Variants in COL23A1 observed in about 807,000 individuals in gnomAD.
COL23A1 encodes collagen alpha-1(XXIII) chain.
A neutral mutation model predicts 99.3 loss-of-function variants in COL23A1; 97 were observed. That is an observed-to-expected ratio of 0.98 (90% CI 0.83 to 1.16). The LOEUF (loss-of-function observed/expected upper bound fraction) is 1.16, where lower values mean the gene tolerates loss of function less well. Among genes scored for constraint, COL23A1 ranks in the 50% most tolerant of loss-of-function variants. The pLI, the probability that COL23A1 is intolerant of heterozygous loss-of-function variation, is 0.00. For synonymous variants in COL23A1, 320 were observed against 308.2 expected (o/e 1.04, Z -0.40); for missense variants, 762 against 757.4 (o/e 1.01, Z -0.07).
chr5:178,242,148 G>A lies in COL23A1; in HGVS notation c.1495-20C>T, dbSNP rs548597943. ...TTCTCCCTGTGCAGGAGGGGAGATG[G>A]TGGTATTGGTCATGGCTGCCAGGCT... is the stretch of plus-strand genomic sequence containing the variant. On this transcript the variant is annotated intron_variant, in intron 26 of 28. Transcript: ENST00000390654. The A allele has an allele frequency of 1.9e-6, 3 of 1,544,336 alleles. No individual in the cohort carries two copies. In the South Asian group the frequency reaches 3.6e-5, roughly 18 times the overall value.
chr5:178,358,964 T>A (rs1018676118), intron 2 of COL23A1, among the ~76,000 whole-genome samples: 1 of 152,176 alleles, frequency 6.6e-6, no homozygotes, highest in African/African-American at 2.4e-5. Flanking sequence ...TGGTGTAAAT[T>A]TTTGTTCAGA....
chr5:178,316,862 AC>A (rs1174733731), intron 2 of COL23A1, among the ~76,000 whole-genome samples: 1 of 151,990 alleles, frequency 6.6e-6, no homozygotes, highest in Non-Finnish European at 1.5e-5. Flanking sequence ...AAAAAAAAAA[AC>A]GTTGCTTGGC....
At chr5:178,269,669 C>A (rs926923679) in intron 6 of COL23A1, among the ~76,000 whole-genome samples, 4 of 141,658 alleles carry the variant, frequency 2.8e-5, no homozygotes, top group African/African-American at 1.1e-4. Flanking sequence ...CATCCATCCA[C>A]CCATTCATCC....
At chr5:178,393,911 G>A (rs1211647320) in intron 2 of COL23A1, among the ~76,000 whole-genome samples, 1 of 152,160 alleles carries the variant, frequency 6.6e-6, no homozygotes, top group African/African-American at 2.4e-5. Flanking sequence ...ATAGGTGTGA[G>A]CTACCAAGCC....
At chr5:178,262,480 T>C (rs952395629) in intron 9 of COL23A1, among the ~76,000 whole-genome samples, 1 of 152,068 alleles carries the variant, frequency 6.6e-6, no homozygotes, top group African/African-American at 2.4e-5. Flanking sequence ...TGAGCAGCTG[T>C]CCTGGGGGAA....
intron 2 of COL23A1, among the ~76,000 whole-genome samples, chr5:178,421,889 C>T (rs778375214): frequency 2.0e-5 from 3 of 152,124 alleles, no homozygotes; most frequent in East Asian, 1.9e-4. Context: ...CACGCATACA[C>T]GCAGGCACCA....
chr5:178,306,904 C>A lies in COL23A1; in HGVS notation c.377G>T (p.Arg126Leu). Residue 126 changes from arginine (R) to leucine (L), a missense_variant, in exon 3 of 29, where the codon CGC (arginine) becomes CTC (leucine). Arg to Leu is a moderately radical substitution (Grantham distance 102, BLOSUM62 -2). Coordinates refer to ENST00000390654, the MANE Select transcript of COL23A1 (RefSeq NM_173465.4). This position sits in a 1 kb window ranked among gnomAD's most constrained non-coding sequence, Gnocchi z 4.1. ...CVCPPGPPGR[R>L]GKPGRRGDPG... ...GTCGCCTCTTCTCCCAGGCTTGCCG[C>A]GCCGTCCAGGGGGCCCTAGACAGGA... 1 of 1,547,034 alleles carries A rather than the reference C, an allele frequency of 6.5e-7. No homozygotes were observed. The highest frequency in any genetic ancestry group is 8.7e-7 in the Non-Finnish European group (1 of 1,146,596).
At position 178,563,467 on chromosome 5, in the gene COL23A1, C is replaced by A. The variant is rs201243972; in HGVS notation, c.295-2719G>T. On this transcript the variant is annotated intron_variant, in intron 1 of 28. Transcript: ENST00000390654. Reference sequence around the variant, plus strand: ...AATGGAGCACACTGGCCACACCTGTCCCAGTTGAATGGGGGGCCCACGCAA... The same window carrying A: ...AATGGAGCACACTGGCCACACCTGTACCAGTTGAATGGGGGGCCCACGCAA... Among the ~76,000 whole-genome samples the A allele has an allele frequency of 8.6e-5, 13 of 151,984 alleles. No homozygotes were observed. The East Asian group carries it at 2.3e-3, about 27-fold the overall frequency.
chr5:178,414,490 G>A (rs191250900), intron 2 of COL23A1, among the ~76,000 whole-genome samples: 78 of 152,272 alleles, frequency 5.1e-4, no homozygotes, highest in Non-Finnish European at 1.0e-3. Context: ...AAGGCAACCA[G>A]GGCCGGTGTG....
rs368838401 is a variant in COL23A1 at position 178,380,069 on chromosome 5, C to CA, written c.362-73151_362-73150insT. 3.4e-3 allele frequency among the ~76,000 whole-genome samples: 514 copies of CA among 152,272 alleles called. 3 individuals are homozygous for CA. The highest frequency in any genetic ancestry group is 0.011 in the African/African-American group (444 of 41,536). On this transcript the variant is annotated intron_variant, in intron 2 of 28. Transcript: ENST00000390654. ...TGAACCGATGCTGCCTCCAACATGA[C>CA]CTGTGTTTTGTGAACCGTGATGATC...
intron 1 of COL23A1, among the ~76,000 whole-genome samples, chr5:178,579,378 C>T (rs1763546311): frequency 6.6e-6 from 1 of 152,164 alleles, no homozygotes; most frequent in South Asian, 2.1e-4. Context: ...TTTGGAAAAA[C>T]ACTCATTTAC....
intron 2 of COL23A1, among the ~76,000 whole-genome samples, chr5:178,502,947 C>T (rs1273720455): frequency 3.9e-5 from 6 of 152,242 alleles, no homozygotes; most frequent in Non-Finnish European, 7.3e-5. Flanking sequence ...TGACAGCTCC[C>T]GACCACCAGC....
chr5:178,418,798 A>T (rs1162578477), intron 2 of COL23A1, among the ~76,000 whole-genome samples: 1 of 152,184 alleles, frequency 6.6e-6, no homozygotes, highest in East Asian at 1.9e-4. Flanking sequence ...CCTGGCCTAA[A>T]TCCTTGGTTG....
intron 5 of COL23A1, among the ~76,000 whole-genome samples, chr5:178,271,205 G>A (rs1430588785): frequency 6.6e-6 from 1 of 152,166 alleles, no homozygotes; most frequent in East Asian, 1.9e-4. Flanking sequence ...CTCCGTGTGG[G>A]AGTGGGGAGG....
In COL23A1 at chr5:178,259,314, T is replaced by C. The variant is rs77338819; in HGVS notation, c.729+407A>G. Among the ~76,000 whole-genome samples the C allele has an allele frequency of 4.5e-3, 691 of 152,076 alleles. 7 individuals carry two copies. Among genetic ancestry groups the C allele is most frequent in the African/African-American group, 0.016 (659 of 41,452 alleles). On this transcript the variant is annotated intron_variant, in intron 12 of 28. Transcript: ENST00000390654. ...GGGGAGGATAATGCTCATTCAGTGT[T>C]TTCAAGCTTGAGCTCACATCAGTGG...
intron 2 of COL23A1, among the ~76,000 whole-genome samples, chr5:178,328,983 C>T (rs572374578): frequency 6.6e-6 from 1 of 152,316 alleles, no homozygotes; most frequent in Admixed American, 6.5e-5. Flanking sequence ...CAGCCAACCC[C>T]GGGAGGCTCT....
intron 2 of COL23A1, among the ~76,000 whole-genome samples, chr5:178,405,455 C>T (rs1399847176): frequency 1.3e-5 from 2 of 152,172 alleles, no homozygotes; most frequent in Non-Finnish European, 2.9e-5. Flanking sequence ...TGCTTAAACA[C>T]TTTCATTATT....
chr5:178,259,289 G>A (rs1033965546), intron 12 of COL23A1, among the ~76,000 whole-genome samples: 2 of 152,036 alleles, frequency 1.3e-5, no homozygotes, highest in Admixed American at 6.6e-5. Flanking sequence ...AGAAGAGGCC[G>A]GGGAGGATAA....
At chr5:178,370,645 G>A (rs540577896) in intron 2 of COL23A1, among the ~76,000 whole-genome samples, 1 of 152,150 alleles carries the variant, frequency 6.6e-6, no homozygotes, top group African/African-American at 2.4e-5. Flanking sequence ...CAGGAAGATG[G>A]GTTGCACCCA....
Sources: gnomAD v4.1 joint callset for allele counts (sites outside exome capture counted in the v4.1 genomes callset) on GRCh38, gnomAD v4.1.1 for gene constraint, Gnocchi (gnomAD v3.1) non-coding constraint, MANE v1.5 for transcripts, NCBI Gene and HGNC (gene_info 2026-07-23, HGNC 2026-07-21) for gene names.